EML6: variants seen among roughly 807,000 people sequenced by gnomAD.
The protein encoded by EML6 is echinoderm microtubule-associated protein-like 6.
A neutral mutation model predicts 240.1 loss-of-function variants in EML6; 154 were observed. The ratio of observed to expected loss-of-function variants is 0.64; its 90% confidence interval spans 0.56 to 0.73. The LOEUF is 0.73. Among genes scored for constraint, EML6 ranks in the 30% least tolerant of loss-of-function variants. EML6 has a pLI of 0.00. For missense variants in EML6, 2,964 were observed against 2,474.6 expected (o/e 1.20, Z -4.20); for synonymous variants, 1,148 against 899.0 (o/e 1.28, Z -4.95).
At chr2:54,924,930 A>G (rs1430340991) in intron 26 of EML6, among the ~76,000 whole-genome samples, 3 of 152,062 alleles carry the variant, frequency 2.0e-5, no homozygotes, top group African/African-American at 4.8e-5. Flanking sequence ...TCTCTTGCCA[A>G]TGAATATTTC....
intron 2 of EML6, among the ~76,000 whole-genome samples, 165 bp from the exon 3 acceptor site, chr2:54,813,067 C>T (rs17345285): frequency 0.18 from 27,680 of 152,168 alleles, 2,819 homozygotes; most frequent in Admixed American, 0.32. Flanking sequence ...CTAAAGTGAA[C>T]ATTTCAATTA....
At chr2:54,854,355 A>G (rs962656954) in intron 11 of EML6, among the ~76,000 whole-genome samples, 6 of 152,170 alleles carry the variant, frequency 3.9e-5, no homozygotes, top group Non-Finnish European at 7.3e-5. Flanking sequence ...TTTTGAGAGA[A>G]GTTTGATTCA....
intron 7 of EML6, among the ~76,000 whole-genome samples, chr2:54,843,229 C>T (rs1669556315): frequency 6.6e-6 from 1 of 152,116 alleles, no homozygotes; most frequent in South Asian, 2.1e-4. Context: ...CTGTTTAAGA[C>T]CAGCCTGGGC....
intron 4 of EML6, 141 bp downstream of exon 4, chr2:54,817,026 T>G (rs1668111928): frequency 1.7e-6 from 1 of 590,860 alleles, no homozygotes; most frequent in Non-Finnish European, 3.1e-6. Context: ...ATCCTCTTTT[T>G]TCATGATTAA....
At chr2:54,866,681 A>C (rs905648287) in intron 13 of EML6, 85 bp from the exon 14 acceptor site, 3 of 653,894 alleles carry the variant, frequency 4.6e-6, no homozygotes, top group African/African-American at 3.6e-5. Flanking sequence ...GAAGCAATTA[A>C]AGATTTTACA....
chr2:54,889,936 A>G (rs1408126941), intron 17 of EML6, among the ~76,000 whole-genome samples: 2 of 152,272 alleles, frequency 1.3e-5, no homozygotes, highest in Non-Finnish European at 2.9e-5. Flanking sequence ...ATAATGACAC[A>G]TAGCATGTTT....
chr2:54,845,837 G>A (rs888548060), intron 8 of EML6, among the ~76,000 whole-genome samples: 4 of 152,178 alleles, frequency 2.6e-5, no homozygotes, highest in South Asian at 2.1e-4. Flanking sequence ...GAGAGAAACC[G>A]TGCTGCATGT....
intron 2 of EML6, among the ~76,000 whole-genome samples, chr2:54,760,590 T>C (rs1667932706): frequency 6.6e-6 from 1 of 152,182 alleles, no homozygotes; most frequent in African/African-American, 2.4e-5. Flanking sequence ...AGAGTACCTG[T>C]TTCCCTACCA....
intron 2 of EML6, among the ~76,000 whole-genome samples, chr2:54,813,002 A>G (rs894919666): frequency 6.6e-6 from 1 of 152,234 alleles, no homozygotes; most frequent in Non-Finnish European, 1.5e-5. Flanking sequence ...CTAATTTTCA[A>G]GGTAACCAAT....
At chr2:54,815,473 C>T (rs536710440) in intron 3 of EML6, among the ~76,000 whole-genome samples, 6 of 152,262 alleles carry the variant, frequency 3.9e-5, no homozygotes, top group African/African-American at 1.4e-4. Flanking sequence ...TACAGATGAA[C>T]AAAATAGGTT....
Position 54,853,701 on chromosome 2 carries a change from A to G in EML6, c.1503A>G (p.Thr501=). 6.4e-7 allele frequency: 1 copy of G among 1,551,044 alleles called. No individual in the cohort carries two copies. The highest frequency in any genetic ancestry group is 8.7e-7 in the Non-Finnish European group (1 of 1,146,582). ...AAGGGATTCCTTGGGCCTCCTGGAC[A>G]TGCGTGAAAGGCCCTGAAGTGAGTG... ...EIKGIPWASW[T]CVKGPEVSGI... The change falls in exon 11 of 42, where the codon ACA becomes ACG. Residue 501 remains threonine, a synonymous_variant. Coordinates refer to ENST00000356458, the MANE Select transcript of EML6 (RefSeq NM_001039753.4).
At chr2:54,879,194 C>G (rs1174491673) in intron 16 of EML6, among the ~76,000 whole-genome samples, 2 of 152,186 alleles carry the variant, frequency 1.3e-5, no homozygotes, top group African/African-American at 4.8e-5. Flanking sequence ...TTGTAGCTTA[C>G]CTGAGAGTCT....
In EML6 at chr2:54,725,303, G is replaced by T; in HGVS notation, c.197+45G>T. 1 of 1,360,392 alleles carries T rather than the reference G, an allele frequency of 7.4e-7. No homozygotes were observed. Among genetic ancestry groups the T allele is most frequent in the Non-Finnish European group, 9.7e-7 (1 of 1,035,642 alleles). 84.3% of individuals were successfully genotyped at this position (1,360,392 alleles called of 1,614,324 possible). ...CGGCGGGGAGGGGTTGCGTGTGGAGGCTGGGAAGGTGGGAAGCGGTTGACC... is the reference window on the plus strand; with the variant it reads ...CGGCGGGGAGGGGTTGCGTGTGGAGTCTGGGAAGGTGGGAAGCGGTTGACC... On this transcript the variant is annotated intron_variant, in intron 2 of 41. Transcript: ENST00000356458. The surrounding 1 kb of genome is among the most constrained non-coding windows in gnomAD (Gnocchi z 4.3).
chr2:54,879,810 C>G, intron 17 of EML6, 170 bp downstream of exon 17: 1 of 598,542 alleles, frequency 1.7e-6, no homozygotes, highest in Non-Finnish European at 3.0e-6. Context: ...CCAAACCTGA[C>G]TTAGAGCAGG....
rs1290259563 is a variant in EML6 at position 54,847,651 on chromosome 2, T to A, written c.1187+28T>A. On this transcript the variant is annotated intron_variant, in intron 9 of 41. Transcript: ENST00000356458. ...ACGTACTGATGTTGAAAATGGTATT[T>A]AGAAATGCTCTCGTGTTAAATGTTA... 5.2e-6 allele frequency: 8 copies of A among 1,549,506 alleles called. No homozygotes were observed. In the South Asian group the frequency reaches 7.1e-5, roughly 14 times the overall value.
At chr2:54,797,037 T>C (rs1572911312) in intron 2 of EML6, among the ~76,000 whole-genome samples, 1 of 151,558 alleles carries the variant, frequency 6.6e-6, no homozygotes, top group African/African-American at 2.4e-5. Flanking sequence ...TAGTGGTAGG[T>C]ACCTGTAGTC....
chr2:54,846,093 A>T (rs941115214), intron 8 of EML6, among the ~76,000 whole-genome samples: 1 of 152,174 alleles, frequency 6.6e-6, no homozygotes, highest in East Asian at 1.9e-4. Context: ...TTGAGCTGCA[A>T]TTGCCCCTCG....
intron 19 of EML6, among the ~76,000 whole-genome samples, chr2:54,892,950 C>T (rs1672555087): frequency 6.6e-6 from 1 of 152,208 alleles, no homozygotes; most frequent in Non-Finnish European, 1.5e-5. Context: ...GGACACTTAG[C>T]AGCAGAAGAG....
intron 6 of EML6, 42 bp downstream of exon 6, chr2:54,827,793 T>C (rs1668667974): frequency 2.8e-6 from 4 of 1,432,256 alleles, no homozygotes; most frequent in Non-Finnish European, 3.8e-6. Flanking sequence ...ACCTACCAAA[T>C]AAGGTAAGAC....
Sources: gnomAD v4.1 joint callset for allele counts (sites outside exome capture counted in the v4.1 genomes callset) on GRCh38, gnomAD v4.1.1 for gene constraint, Gnocchi (gnomAD v3.1) non-coding constraint, MANE v1.5 for transcripts, NCBI Gene and HGNC (gene_info 2026-07-23, HGNC 2026-07-21) for gene names.